The following USP48 variants were observed in gnomAD, a reference collection of about 807,000 sequenced individuals.
USP48 encodes the protein ubiquitin specific peptidase 48.
In USP48, 43 loss-of-function variants were observed where a neutral mutation model predicts 150.7. The observed-to-expected ratio is 0.29, with a 90% CI of 0.22 to 0.37. The LOEUF is 0.37. Among genes scored for constraint, USP48 ranks in the 10% least tolerant of loss-of-function variants. USP48 has a pLI of 1.00. For synonymous variants in USP48, 396 were observed against 425.9 expected, an observed-to-expected ratio of 0.93 and a Z score of 0.86; for missense variants, 813 against 1,249.6, an observed-to-expected ratio of 0.65 and a Z score of 5.27.
Position 21,748,121 on chromosome 1 carries a change from T to C in USP48, c.908+17A>G. The C allele has an allele frequency of 6.2e-7, 1 of 1,609,834 alleles. No individual in the cohort carries two copies. The highest frequency in any genetic ancestry group is 8.5e-7 in the Non-Finnish European group (1 of 1,177,972). ...GACCACAATGAACAACAAACACTAATATTTGCACACATTTACCTGTCAAAG... is the reference window on the plus strand; with the variant it reads ...GACCACAATGAACAACAAACACTAACATTTGCACACATTTACCTGTCAAAG... On this transcript the variant is annotated intron_variant, in intron 7 of 26. Coordinates refer to ENST00000308271, the MANE Select transcript of USP48 (RefSeq NM_032236.8).
At position 21,689,541 on chromosome 1, in the gene USP48, A is replaced by G. The variant is rs573998794; in HGVS notation, c.3009+433T>C. Among the ~76,000 whole-genome samples, 169 of 152,198 alleles carry G rather than the reference A, an allele frequency of 1.1e-3. 1 individual carries two copies. The highest frequency in any genetic ancestry group is 3.9e-3 in the African/African-American group (164 of 41,522). ...TGGGGGCCCTTGTGACAGAAAATCA[A>G]ATGGGAAAAATCAGGCGTGGAGCTT... On this transcript the variant is annotated intron_variant, in intron 24 of 26. Transcript: ENST00000308271.
intron 3 of USP48, among the ~76,000 whole-genome samples, chr1:21,754,773 C>A (rs1394650878): frequency 1.3e-5 from 2 of 152,138 alleles, no homozygotes; most frequent in Non-Finnish European, 2.9e-5. Flanking sequence ...CTCGAATGAC[C>A]ACCCTGTGAA....
intron 1 of USP48, among the ~76,000 whole-genome samples, chr1:21,764,707 G>A (rs2097857740): frequency 2.8e-5 from 2 of 72,252 alleles, no homozygotes; most frequent in Non-Finnish European, 5.6e-5. Flanking sequence ...GTGGCACTCC[G>A]TCTCAAAAAA....
chr1:21,684,419 GTCT>G (rs1387356958), intron 25 of USP48, among the ~76,000 whole-genome samples: 2 of 152,142 alleles, frequency 1.3e-5, no homozygotes, highest in African/African-American at 2.4e-5. Context: ...CCATGTTTAT[GTCT>G]TCTTTTGAGA....
chr1:21,712,836 C>T (rs1284793590), intron 15 of USP48, among the ~76,000 whole-genome samples: 1 of 151,946 alleles, frequency 6.6e-6, no homozygotes, highest in Admixed American at 6.6e-5. Context: ...CCATGTTGGC[C>T]AGGCTGGTCT....
chr1:21,752,866 GT>G, intron 4 of USP48, 125 bp downstream of exon 4: 1 of 1,319,282 alleles, frequency 7.6e-7, no homozygotes, highest in East Asian at 2.6e-5. Flanking sequence ...GTAAATAAAG[GT>G]TTTCATTCAA....
At chr1:21,708,902 AG>A (rs752627354) in intron 15 of USP48, among the ~76,000 whole-genome samples, 30,787 of 111,284 alleles carry the variant, frequency 0.28, 7,620 homozygotes, top group Non-Finnish European at 0.39. Context: ...AAAAAAAAAA[AG>A]AAAGAAAAGA....
intron 13 of USP48, 107 bp downstream of exon 13, chr1:21,721,543 C>T: frequency 1.2e-6 from 1 of 801,862 alleles, no homozygotes; most frequent in Non-Finnish European, 1.9e-6. Context: ...TATCACCCTT[C>T]TTCTAAAAAT....
At chr1:21,687,887 C>G (rs1054371366) in intron 24 of USP48, among the ~76,000 whole-genome samples, 6 of 152,086 alleles carry the variant, frequency 3.9e-5, no homozygotes, top group African/African-American at 1.4e-4. Context: ...TTTCACAGAA[C>G]CTATACTTCC....
At chr1:21,704,210 CT>C in intron 20 of USP48, 51 bp downstream of exon 20, 1 of 1,577,696 alleles carries the variant, frequency 6.3e-7, no homozygotes, top group South Asian at 1.2e-5. Context: ...ACCCTTTCTT[CT>C]TAAAATGTCA....
At chr1:21,774,611 C>G (rs1035452737) in intron 1 of USP48, among the ~76,000 whole-genome samples, 3 of 151,784 alleles carry the variant, frequency 2.0e-5, no homozygotes, top group African/African-American at 7.3e-5. Context: ...TGCTTGAACC[C>G]GGGAGGCAGA....
intron 12 of USP48, 135 bp downstream of exon 12, chr1:21,723,763 C>T: frequency 1.3e-6 from 1 of 765,788 alleles, no homozygotes; most frequent in South Asian, 1.9e-5. Context: ...TTTAGCAAAT[C>T]CTTTGTGCAA....
intron 1 of USP48, among the ~76,000 whole-genome samples, chr1:21,772,942 G>GAAAGAAAGAAAA: frequency 6.8e-6 from 1 of 147,342 alleles, no homozygotes; most frequent in African/African-American, 2.5e-5. Flanking sequence ...AACCAAGAAA[G>GAAAGAAAGAAAA]AAAGAAAGAA....
At chr1:21,741,069 A>G (rs143042880) in intron 8 of USP48, among the ~76,000 whole-genome samples, 2 of 152,366 alleles carry the variant, frequency 1.3e-5, no homozygotes, top group African/African-American at 2.4e-5. Flanking sequence ...GAGAAAAAGC[A>G]TTCAGAGGTA....
rs138694600 is a variant in USP48 at position 21,756,118 on chromosome 1, T to C, written c.412+428A>G. 9.3e-3 allele frequency among the ~76,000 whole-genome samples: 1,410 copies of C among 151,228 alleles called. 23 individuals carry two copies. Among genetic ancestry groups the C allele is most frequent in the African/African-American group, 0.033 (1,347 of 41,126 alleles). On this transcript the variant is annotated intron_variant, in intron 3 of 26. Transcript: ENST00000308271. ...AGGCGGAGGTTGTGGTGAACCGAGA[T>C]TGTGCCATTGCACTAGAGCGTGGGC... is the stretch of plus-strand genomic sequence containing the variant.
chr1:21,715,474 C>T lies in USP48; in HGVS notation c.1895-17G>A, dbSNP rs758731582. ...TTGATTCATCTAATCAAAAGAAATA[C>T]AAATGATATCTGCTGTGGTTATTGT... On this transcript the variant is annotated splice_polypyrimidine_tract_variant and intron_variant, in intron 14 of 26. Transcript: ENST00000308271. 8 of 1,471,454 alleles carry T rather than the reference C, an allele frequency of 5.4e-6. No individual in the cohort carries two copies. In the South Asian group the frequency reaches 6.9e-5, roughly 13 times the overall value. The allele number at this position is 1,471,454 out of a possible 1,614,324, so 91.1% of individuals were successfully genotyped here. A position where few individuals can be genotyped will look rare whatever the true frequency, so the allele number is the denominator to read the frequency against.
chr1:21,756,177 T>C (rs1275784896), intron 3 of USP48, among the ~76,000 whole-genome samples: 3 of 147,644 alleles, frequency 2.0e-5, no homozygotes, highest in Non-Finnish European at 4.5e-5. Context: ...AAAATAATAA[T>C]AATAATAATA....
At chr1:21,754,481 TTTAAG>T (rs377497726) in intron 3 of USP48, among the ~76,000 whole-genome samples, 89 of 152,362 alleles carry the variant, frequency 5.8e-4, no homozygotes, top group African/African-American at 1.9e-3. Flanking sequence ...TCTTATCTTC[TTTAAG>T]TTATTAACTT....
intron 14 of USP48, among the ~76,000 whole-genome samples, chr1:21,717,574 A>C (rs2097708234): frequency 6.6e-6 from 1 of 152,194 alleles, no homozygotes; most frequent in African/African-American, 2.4e-5. Flanking sequence ...TAACTTCTCA[A>C]GCCTAAGAAG....
Sources: allele counts gnomAD v4.1 joint callset (sites outside exome capture counted in the v4.1 genomes callset), GRCh38; gene constraint gnomAD v4.1.1; transcripts MANE v1.5; gene names NCBI Gene and HGNC (gene_info 2026-07-23, HGNC 2026-07-21).